Variants in THSD7A observed in about 807,000 individuals in gnomAD.
THSD7A encodes the protein thrombospondin type-1 domain-containing protein 7A.
In THSD7A, 96 loss-of-function variants were observed where a neutral mutation model predicts 231.3. The ratio of observed to expected loss-of-function variants is 0.41; its 90% CI spans 0.35 to 0.49. The LOEUF (loss-of-function observed/expected upper bound fraction) is 0.49, where lower values mean the gene tolerates loss of function less well. Among genes scored for constraint, THSD7A ranks in the 20% least tolerant of loss-of-function variants. The pLI is 0.05. For synonymous variants in THSD7A, 940 were observed against 743.3 expected (o/e 1.26, Z -4.30); for missense variants, 2,290 against 2,070.2 (o/e 1.11, Z -2.06).
At chr7:11,546,356 C>G (rs1298578683) in intron 4 of THSD7A, among the ~76,000 whole-genome samples, 2 of 152,146 alleles carry the variant, frequency 1.3e-5, no homozygotes, top group South Asian at 2.1e-4. Context: ...TGCTAGCTGA[C>G]TAGGAACACC....
At chr7:11,707,441 C>T (rs1169008389) in intron 1 of THSD7A, among the ~76,000 whole-genome samples, 1 of 150,914 alleles carries the variant, frequency 6.6e-6, no homozygotes, top group African/African-American at 2.4e-5. Context: ...GTATATATAA[C>T]TCTGTTGGAT....
chr7:11,459,541 AT>A (rs762727194), intron 11 of THSD7A, among the ~76,000 whole-genome samples: 1 of 152,208 alleles, frequency 6.6e-6, no homozygotes, highest in East Asian at 1.9e-4. Flanking sequence ...GAGATACATA[AT>A]GAGAATTATG....
At chr7:11,736,115 T>C (rs1781904842) in intron 1 of THSD7A, among the ~76,000 whole-genome samples, 2 of 151,862 alleles carry the variant, frequency 1.3e-5, no homozygotes, top group Admixed American at 1.3e-4. Context: ...AACCACAAAA[T>C]ACAGTGTTTA....
At chr7:11,524,334 T>G (rs1420258116) in intron 6 of THSD7A, among the ~76,000 whole-genome samples, 2 of 152,140 alleles carry the variant, frequency 1.3e-5, no homozygotes, top group African/African-American at 2.4e-5. Context: ...TTCTGGGCTC[T>G]GTCATGTTGT....
At chr7:11,551,782 T>C (rs1789637891) in intron 4 of THSD7A, among the ~76,000 whole-genome samples, 1 of 152,148 alleles carries the variant, frequency 6.6e-6, no homozygotes, top group South Asian at 2.1e-4. Context: ...TGGAAAGCAT[T>C]CTGGAGATTT....
rs780857870 is a variant in THSD7A, at chr7:11,377,389, T to G, written c.4802-732A>C. Among the ~76,000 whole-genome samples the G allele has an allele frequency of 2.6e-5, 4 of 152,152 alleles. No individual in the cohort carries two copies. Among genetic ancestry groups the G allele is most frequent in the Non-Finnish European group, 5.9e-5 (4 of 68,006 alleles). ...AATAAACTTCAAGCACAAGATGTTA[T>G]TAATGATATTGGCTAATTTAATTTG... On this transcript the variant is annotated intron_variant, in intron 26 of 27. Coordinates refer to ENST00000423059, the MANE Select transcript of THSD7A (RefSeq NM_015204.3). The surrounding 1 kb of genome is among the most constrained non-coding windows in gnomAD (Gnocchi z 4.5).
intron 6 of THSD7A, among the ~76,000 whole-genome samples, chr7:11,498,025 G>T (rs1583852572): frequency 6.6e-6 from 1 of 152,156 alleles, no homozygotes; most frequent in South Asian, 2.1e-4. Context: ...TCTTGGCAGA[G>T]CAGCCGCTCA....
intron 6 of THSD7A, among the ~76,000 whole-genome samples, chr7:11,485,348 T>A (rs757056132): frequency 2.0e-5 from 3 of 152,336 alleles, no homozygotes; most frequent in Non-Finnish European, 4.4e-5. Context: ...CTGGACTTCA[T>A]ACCTAATAGC....
chr7:11,412,783 A>C lies in THSD7A; in HGVS notation c.3555T>G (p.Ser1185Arg). 6.2e-7 allele frequency: 1 copy of C among 1,612,742 alleles called. No homozygotes were observed. Among genetic ancestry groups the C allele is most frequent in the Non-Finnish European group, 8.5e-7 (1 of 1,179,190 alleles). ...TQCVLPCNQS[S>R]FRQRSADPIR... ...TGGGATCAGCTGACCTTTGCCGGAA[A>C]CTGCTTTGATTGCAAGGCTTAAAAA... Residue 1185 changes from serine (S) to arginine (R), a missense_variant, in exon 18 of 28, where the codon AGT (serine) becomes AGG (arginine). Transcript: ENST00000423059.
chr7:11,752,987 A>G (rs1052372980), intron 1 of THSD7A, among the ~76,000 whole-genome samples: 1 of 152,052 alleles, frequency 6.6e-6, no homozygotes, highest in African/African-American at 2.4e-5. Flanking sequence ...AACTCTTTAC[A>G]TAGTTCAATT....
At chr7:11,816,697 A>G (rs990401307) in intron 1 of THSD7A, among the ~76,000 whole-genome samples, 1 of 150,882 alleles carries the variant, frequency 6.6e-6, no homozygotes, top group Admixed American at 6.7e-5. Context: ...AACTTTGTAA[A>G]ATAAAATCTT....
intron 1 of THSD7A, among the ~76,000 whole-genome samples, chr7:11,753,978 A>G (rs1782593009): frequency 6.6e-6 from 1 of 152,034 alleles, no homozygotes; most frequent in Non-Finnish European, 1.5e-5. Flanking sequence ...TGGAAAGGAC[A>G]AAATCTAATT....
chr7:11,447,310 C>G lies in THSD7A; in HGVS notation c.2720G>C (p.Cys907Ser). ...QACQIPCQDD[C>S]QLTSWSKFSS... ...AAACTTGGACCAGCTGGTCAATTGACAGTCATCCTGGCAGGGGATCTGGCA... is the reference window on the plus strand; with the variant it reads ...AAACTTGGACCAGCTGGTCAATTGAGAGTCATCCTGGCAGGGGATCTGGCA... The change falls in exon 12 of 28, where the codon TGT becomes TCT. Residue 907 changes from cysteine (C) to serine (S), a missense_variant. By Grantham distance (112) the Cys-to-Ser change is moderately radical (BLOSUM62 -1). Coordinates refer to ENST00000423059, the MANE Select transcript of THSD7A (RefSeq NM_015204.3). 6.2e-7 allele frequency: 1 copy of G among 1,613,014 alleles called. No homozygotes were observed. The highest frequency in any genetic ancestry group is 8.5e-7 in the Non-Finnish European group (1 of 1,179,436).
intron 4 of THSD7A, among the ~76,000 whole-genome samples, chr7:11,584,922 G>A (rs1426217191): frequency 1.3e-5 from 2 of 152,120 alleles, no homozygotes; most frequent in African/African-American, 4.8e-5. Context: ...TAAGGAAGTG[G>A]GGGTGGATAT....
chr7:11,613,248 C>T (rs1780992888), intron 2 of THSD7A, among the ~76,000 whole-genome samples: 1 of 152,106 alleles, frequency 6.6e-6, no homozygotes, highest in African/African-American at 2.4e-5. Context: ...AAGAAAGAGA[C>T]AAAACATTTG....
At chr7:11,811,993 C>A (rs1334967918) in intron 1 of THSD7A, among the ~76,000 whole-genome samples, 1 of 151,984 alleles carries the variant, frequency 6.6e-6, no homozygotes, top group Non-Finnish European at 1.5e-5. Context: ...CAAAACACAA[C>A]ACAGGTGGTC....
At chr7:11,775,871 A>C (rs554865420) in intron 1 of THSD7A, among the ~76,000 whole-genome samples, 1 of 152,338 alleles carries the variant, frequency 6.6e-6, no homozygotes, top group South Asian at 2.1e-4. Context: ...AAAAATTCAA[A>C]AAGAAATCAA....
At chr7:11,580,724 G>A (rs867820786) in intron 4 of THSD7A, among the ~76,000 whole-genome samples, 5 of 152,128 alleles carry the variant, frequency 3.3e-5, no homozygotes, top group Middle Eastern at 3.4e-3. Context: ...ACGCACTGGG[G>A]TGTTTTGGAA....
At chr7:11,661,365 G>A (rs1045814913) in intron 1 of THSD7A, among the ~76,000 whole-genome samples, 1 of 151,202 alleles carries the variant, frequency 6.6e-6, no homozygotes, top group Non-Finnish European at 1.5e-5. Context: ...AGAATACAAA[G>A]ATATAGGACA....
Sources: gnomAD v4.1 joint callset for allele counts (sites outside exome capture counted in the v4.1 genomes callset) on GRCh38, gnomAD v4.1.1 for gene constraint, Gnocchi (gnomAD v3.1) non-coding constraint, MANE v1.5 for transcripts, NCBI Gene and HGNC (gene_info 2026-07-23, HGNC 2026-07-21) for gene names.